SEL1L2: variants seen among roughly 807,000 people sequenced by gnomAD.
SEL1L2 encodes the protein SEL1L2 adaptor subunit of SYVN1 ubiquitin ligase, also known as protein sel-1 homolog 2.
A neutral mutation model predicts 98.8 loss-of-function variants in SEL1L2; 89 were observed. That is an observed-to-expected ratio of 0.90 (90% CI 0.76 to 1.07). SEL1L2 has a LOEUF of 1.07. Among genes scored for constraint, SEL1L2 ranks in the 50% least tolerant of loss-of-function variants. The pLI is 0.00. For synonymous variants in SEL1L2, 262 were observed against 278.5 expected, an observed-to-expected ratio of 0.94 and a Z score of 0.59; for missense variants, 788 against 812.0, an observed-to-expected ratio of 0.97 and a Z score of 0.36.
At chr20:13,908,072 C>T (rs907753720) in intron 5 of SEL1L2, among the ~76,000 whole-genome samples, 7 of 143,968 alleles carry the variant, frequency 4.9e-5, no homozygotes, top group Admixed American at 2.1e-4. Context: ...AAGGCAGGAG[C>T]CACCATGCCT....
intron 12 of SEL1L2, among the ~76,000 whole-genome samples, chr20:13,870,901 C>T (rs183774857): frequency 9.2e-4 from 108 of 117,392 alleles, no homozygotes; most frequent in Non-Finnish European, 1.6e-3. Context: ...CCAGCCTGGG[C>T]GAAAGATCAA....
intron 4 of SEL1L2, chr20:13,915,199 G>C: frequency 7.8e-7 from 1 of 1,289,534 alleles, no homozygotes; most frequent in Non-Finnish European, 1.0e-6. Context: ...GTCCAGGCAA[G>C]AAGGACCTCA....
intron 2 of SEL1L2, among the ~76,000 whole-genome samples, chr20:13,944,507 T>C (rs533292435): frequency 5.0e-4 from 76 of 152,288 alleles, no homozygotes; most frequent in African/African-American, 1.8e-3. Context: ...TCTAAGCATC[T>C]GGTGGATGAA....
intron 5 of SEL1L2, among the ~76,000 whole-genome samples, chr20:13,903,836 G>C (rs544548021): frequency 1.3e-5 from 2 of 152,206 alleles, no homozygotes; most frequent in South Asian, 4.2e-4. Context: ...AGTATTTGAA[G>C]CCCATAGGGT....
At chr20:13,947,705 C>T (rs1425715574) in intron 2 of SEL1L2, among the ~76,000 whole-genome samples, 2 of 152,236 alleles carry the variant, frequency 1.3e-5, no homozygotes, top group Non-Finnish European at 2.9e-5. Context: ...AGGGCTGTGA[C>T]ACCCTCTTTG....
At chr20:13,962,145 C>T (rs377613205) in intron 1 of SEL1L2, among the ~76,000 whole-genome samples, 2 of 152,108 alleles carry the variant, frequency 1.3e-5, no homozygotes, top group African/African-American at 4.8e-5. Context: ...TCGTTGAGGC[C>T]TAAGGGTGGA....
At chr20:13,851,561 T>TTATG (rs1447541151) in intron 18 of SEL1L2, 1 of 152,020 alleles carries the variant, frequency 6.6e-6, no homozygotes, top group Non-Finnish European at 1.5e-5. Context: ...TTTTCATGAA[T>TTATG]TATGCCATGG....
At chr20:13,863,437 C>T (rs767301595) in intron 17 of SEL1L2, among the ~76,000 whole-genome samples, 3 of 152,084 alleles carry the variant, frequency 2.0e-5, no homozygotes, top group Admixed American at 1.3e-4. Flanking sequence ...ATTTCCACTT[C>T]GATTTCACAG....
intron 3 of SEL1L2, among the ~76,000 whole-genome samples, chr20:13,925,678 T>C (rs1379761084): frequency 2.6e-5 from 4 of 152,240 alleles, no homozygotes; most frequent in Non-Finnish European, 5.9e-5. Flanking sequence ...CAGCTCTGAC[T>C]ACAACTCGCC....
chr20:13,934,433 CATATATATATTCCAT>C (rs1213605976), intron 2 of SEL1L2, among the ~76,000 whole-genome samples: 7 of 26,484 alleles, frequency 2.6e-4, no homozygotes, highest in Admixed American at 4.2e-4. Context: ...ATATATATTC[CATATATATATTCCAT>C]ATATATATAT....
chr20:13,963,474 T>C (rs1046227313), intron 1 of SEL1L2, among the ~76,000 whole-genome samples: 1 of 148,084 alleles, frequency 6.8e-6, no homozygotes, highest in Non-Finnish European at 1.5e-5. Context: ...CCCAGCACTT[T>C]GGGAGGCCGA....
rs745509756 is a variant in SEL1L2, at chr20:13,865,218, C to CT, written c.1593dup (p.Glu532ArgfsTer23). ...AGAAGCGCCATTGGATACATCTTCT[C>CT]TTTTTCAAGAATGTTAGCCTTTTCT... On this transcript the variant is annotated frameshift_variant, in exon 17 of 20. Transcript: ENST00000284951. LOFTEE classifies it high-confidence loss of function. 10 of 1,613,762 alleles carry CT rather than the reference C, an allele frequency of 6.2e-6. No individual in the cohort carries two copies. The highest frequency in any genetic ancestry group is 1.7e-5 in the Admixed American group (1 of 59,992).
At chr20:13,930,901 C>G (rs1279356922) in intron 3 of SEL1L2, among the ~76,000 whole-genome samples, 2 of 151,946 alleles carry the variant, frequency 1.3e-5, no homozygotes, top group African/African-American at 4.8e-5. Flanking sequence ...TTATTATCAT[C>G]AGCACAAATT....
At chr20:13,901,763 G>A (rs930767366) in intron 5 of SEL1L2, among the ~76,000 whole-genome samples, 3 of 151,206 alleles carry the variant, frequency 2.0e-5, no homozygotes, top group Non-Finnish European at 2.9e-5. Flanking sequence ...CCAGGTTCCC[G>A]CCATTCTCCT....
chr20:13,871,009 G>T (rs2046167046), intron 12 of SEL1L2, among the ~76,000 whole-genome samples: 1 of 152,014 alleles, frequency 6.6e-6, no homozygotes, highest in Admixed American at 6.6e-5. Context: ...TTTAGACTAG[G>T]AATTGAAGGA....
At chr20:13,992,728 A>G (rs1427820688), upstream of SEL1L2, among the ~76,000 whole-genome samples, 1 of 152,170 alleles carries the variant, frequency 6.6e-6, no homozygotes, top group Non-Finnish European at 1.5e-5. Flanking sequence ...AGCAGAAATT[A>G]ATTTTCTCAG....
intron 5 of SEL1L2, among the ~76,000 whole-genome samples, chr20:13,904,147 C>A (rs2047811842): frequency 1.3e-5 from 2 of 152,178 alleles, no homozygotes; most frequent in African/African-American, 2.4e-5. Flanking sequence ...CTATGGAGTT[C>A]ATTTCCTAAA....
At chr20:13,929,490 T>TA (rs1475144859) in intron 3 of SEL1L2, among the ~76,000 whole-genome samples, 1 of 101,578 alleles carries the variant, frequency 9.8e-6, no homozygotes, top group African/African-American at 3.9e-5. Context: ...CCTTTGCCTT[T>TA]TTTTTTTTTT....
chr20:13,872,388 G>T lies in SEL1L2; in HGVS notation c.1105-2185C>A, dbSNP rs543910093. Among the ~76,000 whole-genome samples the T allele has an allele frequency of 2.0e-4, 31 of 152,302 alleles. No individual in the cohort carries two copies. In the South Asian group the frequency reaches 6.0e-3, roughly 30 times the overall value. On this transcript the variant is annotated intron_variant, in intron 12 of 19. Transcript: ENST00000284951. ...TAGTGAGTGAGTTCTCATGCGATCT[G>T]ATGGCTTTATAAGGGGCTTTTCCCT...
Sources: allele counts gnomAD v4.1 joint callset (sites outside exome capture counted in the v4.1 genomes callset), GRCh38; gene constraint gnomAD v4.1.1; transcripts MANE v1.5; gene names NCBI Gene and HGNC (gene_info 2026-07-23, HGNC 2026-07-21).